Variants in TENM3 observed in about 807,000 individuals in gnomAD.
TENM3 encodes teneurin-3.
In TENM3, 63 loss-of-function variants were observed where a neutral mutation model predicts 255.1. The ratio of observed to expected loss-of-function variants is 0.25; its 90% CI spans 0.20 to 0.30. The LOEUF is 0.30. Ranked by LOEUF, TENM3 falls within the 10% of genes least tolerant of loss-of-function variation. TENM3 has a pLI of 1.00. For missense variants in TENM3, 2,929 were observed against 3,461.1 expected, an observed-to-expected ratio of 0.85 and a Z score of 3.86; for synonymous variants, 1,306 against 1,322.3, an observed-to-expected ratio of 0.99 and a Z score of 0.27.
chr4:181,453,083 G>A, the TENM3 span, among the ~76,000 whole-genome samples: 1 of 152,188 alleles, frequency 6.6e-6, no homozygotes, highest in South Asian at 2.1e-4. Context: ...AAGCTCTAGA[G>A]CAGGAAAACT....
chr4:181,989,854 G>A, the TENM3 span, among the ~76,000 whole-genome samples: 3 of 152,136 alleles, frequency 2.0e-5, no homozygotes, highest in Non-Finnish European at 4.4e-5. Flanking sequence ...TAATTAAAGA[G>A]TAGGTAGGTC....
In TENM3 at chr4:182,773,799, T is replaced by C. The variant is rs79751098; in HGVS notation, c.5068+152T>C. ...ATAATCTACAGTGTACATGTAATAT[T>C]TATTTACTTGTATAGACATATTTTA... On this transcript the variant is annotated intron_variant, in intron 23 of 27. Transcript: ENST00000511685. The C allele has an allele frequency of 7.9e-3, 4,694 of 597,132 alleles. 173 individuals are homozygous for C. The highest frequency in any genetic ancestry group is 0.078 in the African/African-American group (4,185 of 53,656). The allele number at this position is 597,132 out of a possible 1,614,324, so 37.0% of individuals were successfully genotyped here. A position where few individuals can be genotyped will look rare whatever the true frequency, so the allele number is the denominator to read the frequency against.
At chr4:182,376,569 G>A (rs1031264033) in intron 3 of TENM3, among the ~76,000 whole-genome samples, 3 of 152,160 alleles carry the variant, frequency 2.0e-5, no homozygotes, top group Non-Finnish European at 4.4e-5. Context: ...AACATGTTGT[G>A]AAAATACAGA....
chr4:182,451,681 G>T (rs1332421884), intron 3 of TENM3, among the ~76,000 whole-genome samples: 1 of 152,154 alleles, frequency 6.6e-6, no homozygotes, highest in South Asian at 2.1e-4. Context: ...GCAAGTAACA[G>T]AAAATGACCC....
chr4:182,585,533 C>G (rs1308525709), intron 3 of TENM3, among the ~76,000 whole-genome samples: 1 of 151,360 alleles, frequency 6.6e-6, no homozygotes, highest in Non-Finnish European at 1.5e-5. Context: ...CTGTCTGCCT[C>G]GCCTCAGCAA....
intron 1 of TENM3, among the ~76,000 whole-genome samples, chr4:182,154,162 A>G (rs1188030275): frequency 6.6e-6 from 1 of 152,012 alleles, no homozygotes; most frequent in Non-Finnish European, 1.5e-5. Context: ...CTTAAAAGAA[A>G]GATCTCAAAG....
chr4:182,391,310 A>G (rs1351859119), intron 3 of TENM3, among the ~76,000 whole-genome samples: 3 of 152,204 alleles, frequency 2.0e-5, no homozygotes, highest in Non-Finnish European at 4.4e-5. Context: ...TAATTTATCC[A>G]GAGTTGCATC....
chr4:181,947,302 GTAAC>G, the TENM3 span, among the ~76,000 whole-genome samples: 42 of 152,298 alleles, frequency 2.8e-4, no homozygotes, highest in Admixed American at 5.2e-4. Context: ...GCAAAATTGA[GTAAC>G]TAACTGTCTT....
At chr4:182,080,260 C>T in the TENM3 span, among the ~76,000 whole-genome samples, 2 of 152,090 alleles carry the variant, frequency 1.3e-5, no homozygotes, top group Admixed American at 6.6e-5. Context: ...AAATATCGTA[C>T]CTTGACTTCT....
intron 1 of TENM3, among the ~76,000 whole-genome samples, chr4:182,285,204 T>C (rs1263184332): frequency 6.6e-6 from 1 of 151,990 alleles, no homozygotes; most frequent in East Asian, 1.9e-4. Context: ...GCATGGATGG[T>C]ATTTGATTGT....
chr4:181,865,927 C>T, the TENM3 span, among the ~76,000 whole-genome samples: 9 of 152,122 alleles, frequency 5.9e-5, no homozygotes, highest in Non-Finnish European at 1.3e-4. Flanking sequence ...TTTAAATAAT[C>T]AGTTTAGTTA....
At chr4:182,755,564 C>T (rs538223315) in intron 22 of TENM3, among the ~76,000 whole-genome samples, 9 of 152,034 alleles carry the variant, frequency 5.9e-5, no homozygotes, top group East Asian at 3.9e-4. Context: ...AATGGCCGGG[C>T]GCAGTGGCTC....
intron 2 of TENM3, among the ~76,000 whole-genome samples, chr4:182,326,959 G>C (rs578153597): frequency 6.6e-6 from 1 of 152,192 alleles, no homozygotes; most frequent in Non-Finnish European, 1.5e-5. Context: ...GAATGAGGAC[G>C]AGTGTGAGGG....
the TENM3 span, among the ~76,000 whole-genome samples, chr4:182,074,647 T>A: frequency 6.6e-6 from 1 of 152,036 alleles, no homozygotes; most frequent in Non-Finnish European, 1.5e-5. Flanking sequence ...TGAGGCGGTG[T>A]GGGGCAGCAG....
the TENM3 span, among the ~76,000 whole-genome samples, chr4:182,005,312 T>C: frequency 4.4e-4 from 67 of 152,314 alleles, no homozygotes; most frequent in African/African-American, 1.6e-3. Context: ...CCAGCACCAT[T>C]TACTGAATGG....
the TENM3 span, among the ~76,000 whole-genome samples, chr4:181,930,416 G>A: frequency 2.0e-5 from 3 of 152,120 alleles, no homozygotes; most frequent in Non-Finnish European, 4.4e-5. Context: ...AGAAAATCTG[G>A]AAGAAATGGA....
chr4:181,880,477 G>A, the TENM3 span, among the ~76,000 whole-genome samples: 1 of 152,144 alleles, frequency 6.6e-6, no homozygotes, highest in East Asian at 1.9e-4. Context: ...AGGAATTAAA[G>A]TGTGATTATC....
the TENM3 span, among the ~76,000 whole-genome samples, chr4:181,709,758 T>G: frequency 6.6e-6 from 1 of 152,188 alleles, no homozygotes; most frequent in Non-Finnish European, 1.5e-5. Flanking sequence ...AGTCGAGACA[T>G]TAGCGCAGAT....
At chr4:182,541,132 C>T (rs755221294) in intron 3 of TENM3, among the ~76,000 whole-genome samples, 47 of 152,198 alleles carry the variant, frequency 3.1e-4, no homozygotes, top group Non-Finnish European at 5.4e-4. Context: ...TCCCAGAATT[C>T]TAGCTCAGGA....
Sources: allele counts gnomAD v4.1 joint callset (sites outside exome capture counted in the v4.1 genomes callset), GRCh38; gene constraint gnomAD v4.1.1; transcripts MANE v1.5; gene names NCBI Gene and HGNC (gene_info 2026-07-23, HGNC 2026-07-21).